KCNT2: variants seen among roughly 807,000 people sequenced by gnomAD.
The protein encoded by KCNT2 is potassium sodium-activated channel subfamily T member 2.
In KCNT2, 67 loss-of-function variants were observed where a neutral mutation model predicts 153.8. The ratio of observed to expected loss-of-function variants is 0.44; its 90% CI spans 0.36 to 0.53. The LOEUF (loss-of-function observed/expected upper bound fraction) is 0.53, where lower values mean the gene tolerates loss of function less well. Ranked by LOEUF, KCNT2 falls within the 20% of genes least tolerant of loss-of-function variation. KCNT2 has a pLI of 0.00. For synonymous variants in KCNT2, 500 were observed against 458.8 expected (o/e 1.09, Z -1.15); for missense variants, 975 against 1,354.8 (o/e 0.72, Z 4.40).
Position 196,463,753 on chromosome 1 carries a change from G to A in KCNT2, c.638+1540C>T, listed in dbSNP as rs564731583. ...TTCTCTAGCAATGCTGCATCCTTTCGCATAAGAAAATGGTGAAATTTGTCT... is the reference window on the plus strand; with the variant it reads ...TTCTCTAGCAATGCTGCATCCTTTCACATAAGAAAATGGTGAAATTTGTCT... On this transcript the variant is annotated intron_variant, in intron 8 of 27. Coordinates refer to ENST00000294725, the MANE Select transcript of KCNT2 (RefSeq NM_198503.5). Among the ~76,000 whole-genome samples the A allele has an allele frequency of 1.6e-4, 24 of 151,614 alleles. 2 individuals are homozygous for A. The highest frequency in any genetic ancestry group is 4.3e-4 in the African/African-American group (18 of 41,426).
At chr1:196,295,235 A>G (rs1051538623) in intron 22 of KCNT2, among the ~76,000 whole-genome samples, 2 of 151,832 alleles carry the variant, frequency 1.3e-5, no homozygotes, top group Admixed American at 1.3e-4. Flanking sequence ...AAAGAATAAA[A>G]CATTTGTACT....
chr1:196,459,948 T>A (rs1205520879), intron 8 of KCNT2, among the ~76,000 whole-genome samples: 6 of 151,800 alleles, frequency 4.0e-5, no homozygotes, highest in African/African-American at 1.4e-4. Flanking sequence ...AATTTTTCAA[T>A]AAAGCCTTCT....
At chr1:196,496,848 A>T (rs1448002788) in intron 1 of KCNT2, among the ~76,000 whole-genome samples, 1 of 152,212 alleles carries the variant, frequency 6.6e-6, no homozygotes. Context: ...CACGTTTGGC[A>T]TATGGGAGGA....
At chr1:196,343,667 T>C (rs952034666) in intron 14 of KCNT2, among the ~76,000 whole-genome samples, 1 of 152,194 alleles carries the variant, frequency 6.6e-6, no homozygotes, top group Non-Finnish European at 1.5e-5. Flanking sequence ...GCTGCCTCAT[T>C]CCTTCTTAAG....
intron 1 of KCNT2, among the ~76,000 whole-genome samples, chr1:196,532,231 G>A (rs1219755242): frequency 1.3e-5 from 2 of 151,926 alleles, no homozygotes. Flanking sequence ...ATGCTGCCAG[G>A]AACAATTCAT....
intron 1 of KCNT2, among the ~76,000 whole-genome samples, chr1:196,606,127 A>G (rs1218027261): frequency 6.6e-6 from 1 of 152,364 alleles, no homozygotes; most frequent in East Asian, 1.9e-4. Flanking sequence ...ACTTATTTCC[A>G]ACTAAATGTT....
At chr1:196,395,621 T>C (rs537995413) in intron 13 of KCNT2, among the ~76,000 whole-genome samples, 4 of 151,572 alleles carry the variant, frequency 2.6e-5, no homozygotes, top group African/African-American at 9.7e-5. Context: ...AACTCGAGCT[T>C]AAAGACTTGA....
chr1:196,408,983 G>A (rs1404731174), intron 12 of KCNT2, among the ~76,000 whole-genome samples: 1 of 150,718 alleles, frequency 6.6e-6, no homozygotes, highest in Non-Finnish European at 1.5e-5. Context: ...ACTAACTGTA[G>A]CTTTTTACTC....
intron 12 of KCNT2, among the ~76,000 whole-genome samples, chr1:196,399,266 A>G (rs1378975643): frequency 2.0e-5 from 3 of 151,702 alleles, no homozygotes; most frequent in African/African-American, 4.8e-5. Context: ...TAGTCACCCC[A>G]TAAATTCAAT....
chr1:196,406,990 A>T (rs912302587), intron 12 of KCNT2, among the ~76,000 whole-genome samples: 4 of 151,488 alleles, frequency 2.6e-5, no homozygotes, highest in Non-Finnish European at 4.4e-5. Flanking sequence ...CTTATAGAGC[A>T]GCTAAACTCA....
rs554781047 is a variant in KCNT2, at chr1:196,405,713, C to T, written c.1186-7042G>A. Among the ~76,000 whole-genome samples, 4 of 151,552 alleles carry T rather than the reference C, an allele frequency of 2.6e-5. No homozygotes were observed. In the South Asian group the frequency reaches 6.2e-4, roughly 24 times the overall value. On this transcript the variant is annotated intron_variant, in intron 12 of 27. Transcript: ENST00000294725. ...CTTTCGATTTTTAATTTATAAAATACATCTGCAGCACTTGAAAATTGATCT... is the reference window on the plus strand; with the variant it reads ...CTTTCGATTTTTAATTTATAAAATATATCTGCAGCACTTGAAAATTGATCT...
rs540096318 is a variant in KCNT2 at position 196,528,764 on chromosome 1, A to G, written c.96-36423T>C. 1.2e-4 allele frequency among the ~76,000 whole-genome samples: 19 copies of G among 152,262 alleles called. No individual in the cohort carries two copies. The South Asian group carries it at 3.5e-3, about 28-fold the overall frequency. On this transcript the variant is annotated intron_variant, in intron 1 of 27. Transcript: ENST00000294725. ...ATTATTCCCTTGATTGGTGACATCAATGTATTTGTAACAACCCCATCTGCA... is the reference window on the plus strand; with the variant it reads ...ATTATTCCCTTGATTGGTGACATCAGTGTATTTGTAACAACCCCATCTGCA...
At chr1:196,508,303 T>C (rs1274609422) in intron 1 of KCNT2, among the ~76,000 whole-genome samples, 1 of 151,720 alleles carries the variant, frequency 6.6e-6, no homozygotes, top group African/African-American at 2.4e-5. Context: ...TTTTAACCTT[T>C]TATGAAAAAA....
In KCNT2 at chr1:196,319,479, C is replaced by A; in HGVS notation, c.2348+5G>T. The A allele has an allele frequency of 1.2e-6, 2 of 1,606,946 alleles. No individual in the cohort carries two copies. Among genetic ancestry groups the A allele is most frequent in the Non-Finnish European group, 1.7e-6 (2 of 1,174,748 alleles). Reference sequence around the variant, plus strand: ...AGTTAGTGTGCCAAAGATTTTGTCACCTACTTGTCAATAGAGCCCACCATG... The same window carrying A: ...AGTTAGTGTGCCAAAGATTTTGTCAACTACTTGTCAATAGAGCCCACCATG... On this transcript the variant is annotated splice_donor_5th_base_variant and intron_variant, in intron 20 of 27. Coordinates refer to ENST00000294725, the MANE Select transcript of KCNT2 (RefSeq NM_198503.5).
intron 25 of KCNT2, 23 bp downstream of exon 25, chr1:196,280,837 A>C (rs764787449): frequency 1.4e-5 from 22 of 1,603,288 alleles, no homozygotes; most frequent in Non-Finnish European, 1.8e-5. Context: ...CATCAAAACA[A>C]GAATATTTTG....
intron 1 of KCNT2, among the ~76,000 whole-genome samples, chr1:196,516,322 C>A (rs890324375): frequency 1.5e-4 from 23 of 152,076 alleles, no homozygotes; most frequent in African/African-American, 5.1e-4. Context: ...TTAGGGACTG[C>A]GGTGGTCCCC....
Position 196,298,009 on chromosome 1 carries a change from A to G in KCNT2, c.2595+7225T>C, listed in dbSNP as rs190031212. On this transcript the variant is annotated intron_variant, in intron 22 of 27. Coordinates refer to ENST00000294725, the MANE Select transcript of KCNT2 (RefSeq NM_198503.5). ...AATGTGTAAATTTTGCCTTCTTACT[A>G]TTCTATAGTGAAAATATATTGAAAA... Among the ~76,000 whole-genome samples the G allele has an allele frequency of 6.4e-4, 98 of 152,302 alleles. 1 individual carries two copies. The Middle Eastern group carries it at 0.014, about 21-fold the overall frequency.
chr1:196,604,714 TTATAA>T (rs1461145818), intron 1 of KCNT2, among the ~76,000 whole-genome samples: 1 of 151,310 alleles, frequency 6.6e-6, no homozygotes, highest in African/African-American at 2.4e-5. Flanking sequence ...ATTACATATA[TTATAA>T]TATATATTAT....
intron 12 of KCNT2, among the ~76,000 whole-genome samples, chr1:196,409,075 T>A (rs551158671): frequency 7.6e-6 from 1 of 131,098 alleles, no homozygotes; most frequent in East Asian, 2.1e-4. Context: ...ATTTAGGAGT[T>A]TTTTTTTTTT....
Sources: allele counts gnomAD v4.1 joint callset (sites outside exome capture counted in the v4.1 genomes callset), GRCh38; gene constraint gnomAD v4.1.1; transcripts MANE v1.5; gene names NCBI Gene and HGNC (gene_info 2026-07-23, HGNC 2026-07-21).